Variants in PDCD6IP observed in about 807,000 individuals in gnomAD.
PDCD6IP encodes the protein programmed cell death 6-interacting protein.
Under a neutral mutation model 103.7 loss-of-function variants are expected in PDCD6IP, and 43 were observed. The ratio of observed to expected loss-of-function variants is 0.41; its 90% CI spans 0.32 to 0.53. The LOEUF (loss-of-function observed/expected upper bound fraction) is 0.53. Ranked by LOEUF, PDCD6IP falls within the 20% of genes least tolerant of loss-of-function variation. The probability of loss-of-function intolerance (pLI) is 0.16; values close to 1 mark genes in which losing one functional copy is unlikely to be tolerated. For missense variants in PDCD6IP, 871 were observed against 1,036.7 expected (o/e 0.84, Z 2.20); for synonymous variants, 354 against 378.7 (o/e 0.93, Z 0.76).
Position 33,866,424 on chromosome 3 carries a change from G to T in PDCD6IP, c.2506G>T (p.Val836Leu), listed in dbSNP as rs1475301770. 6.2e-7 allele frequency: 1 copy of T among 1,611,520 alleles called. No individual in the cohort carries two copies. Among genetic ancestry groups the T allele is most frequent in the Non-Finnish European group, 8.5e-7 (1 of 1,179,036 alleles). ...YGQYNMPYPP[V>L]YHQSPGQAPY... ...CCAGTATAATATGCCATATCCACCA[G>T]TGTATCACCAGAGTCCTGGACAGGC... The change falls in exon 18 of 18, where the codon GTG becomes TTG. Residue 836 changes from valine (V) to leucine (L), a missense_variant. Coordinates refer to ENST00000307296, the MANE Select transcript of PDCD6IP (RefSeq NM_013374.6).
At chr3:33,825,490 T>G in intron 5 of PDCD6IP, 150 bp downstream of exon 5, 1 of 628,944 alleles carries the variant, frequency 1.6e-6, no homozygotes, top group East Asian at 3.0e-5. Flanking sequence ...TATCCTTTTC[T>G]GAATTTGTGG....
In PDCD6IP at chr3:33,867,735, T is replaced by TA. The variant is rs974556034; in HGVS notation, c.*1212dup. The stretch of plus-strand genomic sequence containing the variant: ...GAAAATGAGAAAGGAATGAGTTGTC[T>TA]AACATCACAGTGGGATCTGTTTTTT... On this transcript the variant is annotated 3_prime_UTR_variant, in exon 18 of 18. Transcript: ENST00000307296. The TA allele has an allele frequency of 6.6e-5, 10 of 152,240 alleles. No individual in the cohort carries two copies. Among genetic ancestry groups the TA allele is most frequent in the African/African-American group, 2.4e-4 (10 of 41,468 alleles). The allele number at this position is 152,240 out of a possible 1,614,324, so 9.4% of individuals were successfully genotyped here. A position where few individuals can be genotyped will look rare whatever the true frequency, so the allele number is the denominator to read the frequency against.
chr3:33,825,738 T>G (rs1697106887), intron 5 of PDCD6IP, among the ~76,000 whole-genome samples: 2 of 152,202 alleles, frequency 1.3e-5, no homozygotes, highest in Admixed American at 1.3e-4. Flanking sequence ...AAGCAAGAAT[T>G]AAGTAGACAG....
intron 4 of PDCD6IP, among the ~76,000 whole-genome samples, chr3:33,823,033 A>G (rs957170478): frequency 2.4e-4 from 36 of 151,974 alleles, no homozygotes; most frequent in African/African-American, 8.2e-4. Context: ...TAAATAATAT[A>G]TATATAATCA....
intron 3 of PDCD6IP, among the ~76,000 whole-genome samples, chr3:33,816,805 CAGA>C (rs1696864306): frequency 6.6e-6 from 1 of 151,814 alleles, no homozygotes; most frequent in Non-Finnish European, 1.5e-5. Context: ...AGCCAAGGTG[CAGA>C]AAAGGATTTT....
intron 6 of PDCD6IP, chr3:33,828,625 TA>T (rs1234098689): frequency 1.7e-4 from 55 of 316,232 alleles, no homozygotes; most frequent in East Asian, 4.8e-4. Flanking sequence ...AGTTAACAGT[TA>T]AAAAAAACCC....
chr3:33,805,354 C>CAA (rs11341586), intron 1 of PDCD6IP, among the ~76,000 whole-genome samples: 1 of 112,378 alleles, frequency 8.9e-6, no homozygotes. Flanking sequence ...GATTCTGTCT[C>CAA]AAAAAAAAAA....
In PDCD6IP at chr3:33,866,525, A is replaced by G. The variant is rs1483819180; in HGVS notation, c.2607A>G (p.Ter869=). The change falls in exon 18 of 18, where the codon TAA becomes TAG. Residue 869 remains the stop codon, a stop_retained_variant. Coordinates refer to ENST00000307296, the MANE Select transcript of PDCD6IP (RefSeq NM_013374.6). ...PPQQSYYPQQ[*] ...AGCAGTCTTACTATCCACAGCAGTA[A>G]TATGTCTGCTCAGCAGCTCAGCTGA... 7 of 1,597,974 alleles carry G rather than the reference A, an allele frequency of 4.4e-6. No homozygotes were observed. The highest frequency in any genetic ancestry group is 5.1e-6 in the Non-Finnish European group (6 of 1,174,788).
chr3:33,815,688 T>TA (rs1696832646), intron 3 of PDCD6IP, among the ~76,000 whole-genome samples: 2 of 152,062 alleles, frequency 1.3e-5, no homozygotes, highest in Non-Finnish European at 2.9e-5. Flanking sequence ...GAAGGAAGAG[T>TA]AAGAGTTGAG....
At position 33,852,504 on chromosome 3, in the gene PDCD6IP, A is replaced by G. The variant is rs761858353; in HGVS notation, c.1658A>G (p.Lys553Arg). ...MQGSEVVNVL[K>R]SLLSNLDEVK... ...TTTGTTTAGGTTGTAAATGTCTTAA[A>G]ATCCTTATTGTCAAATCTTGATGAA... Residue 553 changes from lysine (K) to arginine (R), a missense_variant, in exon 13 of 18, where the codon AAA becomes AGA. Lys to Arg is a conservative substitution (Grantham distance 26, BLOSUM62 2). Transcript: ENST00000307296. 1 of 1,543,740 alleles carries G rather than the reference A, an allele frequency of 6.5e-7. No individual in the cohort carries two copies. Among genetic ancestry groups the G allele is most frequent in the South Asian group, 1.3e-5 (1 of 79,808 alleles).
At chr3:33,847,697 A>G (rs745406976) in intron 12 of PDCD6IP, among the ~76,000 whole-genome samples, 35 of 152,316 alleles carry the variant, frequency 2.3e-4, no homozygotes, top group Middle Eastern at 3.4e-3. Flanking sequence ...CTCTTTGGAC[A>G]TCTGGTTTTA....
Position 33,841,845 on chromosome 3 carries a change from A to T in PDCD6IP, c.1182-52A>T, listed in dbSNP as rs900750305. ...AAATTAAATAAAGTAAGTATTGATGAGGAGTTAAATTGTTTTAGACTTCAG... is the reference window on the plus strand; with the variant it reads ...AAATTAAATAAAGTAAGTATTGATGTGGAGTTAAATTGTTTTAGACTTCAG... On this transcript the variant is annotated intron_variant, in intron 9 of 17. Transcript: ENST00000307296. The T allele has an allele frequency of 5.2e-6, 6 of 1,144,134 alleles. No individual in the cohort carries two copies. In the African/African-American group the frequency reaches 9.2e-5, roughly 18 times the overall value. The allele number at this position is 1,144,134 out of a possible 1,614,324, so 70.9% of individuals were successfully genotyped here.
chr3:33,822,917 A>G (rs189125602), intron 4 of PDCD6IP, among the ~76,000 whole-genome samples: 1 of 152,226 alleles, frequency 6.6e-6, no homozygotes, highest in East Asian at 1.9e-4. Context: ...TCGGCCTCCC[A>G]AAGTGCTGGG....
intron 7 of PDCD6IP, among the ~76,000 whole-genome samples, chr3:33,831,585 T>C (rs182844031): frequency 7.2e-5 from 11 of 152,306 alleles, no homozygotes; most frequent in African/African-American, 1.4e-4. Flanking sequence ...TTTGTGGGCT[T>C]GAAATTTTTC....
At chr3:33,799,853 G>T (rs1166886765) in intron 1 of PDCD6IP, among the ~76,000 whole-genome samples, 1 of 152,082 alleles carries the variant, frequency 6.6e-6, no homozygotes, top group Non-Finnish European at 1.5e-5. Flanking sequence ...GGGCGCGGTG[G>T]CTCACGCCTG....
chr3:33,838,174 T>A (rs1697392110), intron 8 of PDCD6IP, 30 bp from the exon 9 acceptor site: 1 of 1,608,098 alleles, frequency 6.2e-7, no homozygotes, highest in African/African-American at 1.3e-5. Flanking sequence ...TGTCTAAAAA[T>A]TTTGTTGTAA....
At chr3:33,865,946 T>G (rs1244919653) in intron 17 of PDCD6IP, among the ~76,000 whole-genome samples, 1 of 152,206 alleles carries the variant, frequency 6.6e-6, no homozygotes, top group African/African-American at 2.4e-5. Flanking sequence ...TAAGTACATG[T>G]TGTCTGCCAA....
chr3:33,814,702 T>C (rs902438524), intron 3 of PDCD6IP, among the ~76,000 whole-genome samples: 3 of 146,444 alleles, frequency 2.0e-5, no homozygotes, highest in Non-Finnish European at 4.5e-5. Context: ...ATTATATATA[T>C]GTATGTATAT....
At chr3:33,828,821 G>T in intron 6 of PDCD6IP, 32 bp from the exon 7 acceptor site, 1 of 1,610,514 alleles carries the variant, frequency 6.2e-7, no homozygotes, top group South Asian at 1.1e-5. Context: ...TGTGTGGTTG[G>T]ACTCTCCCCT....
Sources: gnomAD v4.1 joint callset for allele counts (sites outside exome capture counted in the v4.1 genomes callset) on GRCh38, gnomAD v4.1.1 for gene constraint, MANE v1.5 for transcripts, NCBI Gene and HGNC (gene_info 2026-07-23, HGNC 2026-07-21) for gene names.